U2SURP: variants seen among roughly 807,000 people sequenced by gnomAD.
U2SURP encodes the protein U2 snRNP-associated SURP motif-containing protein.
In U2SURP, 9 loss-of-function variants were observed where a neutral mutation model predicts 144.9. That is an observed-to-expected ratio of 0.06 (90% CI 0.04 to 0.11). The LOEUF is 0.11. U2SURP is among the 10% of genes least tolerant of loss of function. U2SURP has a pLI of 1.00. For synonymous variants in U2SURP, 408 were observed against 396.8 expected (o/e 1.03, Z -0.33); for missense variants, 724 against 1,226.7 (o/e 0.59, Z 6.12).
chr3:143,003,848 C>T (rs1027296758), intron 1 of U2SURP, among the ~76,000 whole-genome samples: 5 of 151,660 alleles, frequency 3.3e-5, no homozygotes, highest in South Asian at 2.1e-4. Flanking sequence ...CCCGCCAGTA[C>T]GCCCGGCTAA....
At chr3:143,006,884 A>G (rs546408752) in intron 1 of U2SURP, among the ~76,000 whole-genome samples, 110 of 152,328 alleles carry the variant, frequency 7.2e-4, no homozygotes, top group African/African-American at 2.6e-3. Flanking sequence ...TTAGAGGGTG[A>G]GAGGAGAAAC....
In U2SURP at chr3:143,038,915, A is replaced by AATT. The variant is rs1366189201; in HGVS notation, c.2343_2345dup (p.Leu781dup). The AATT allele has an allele frequency of 6.5e-7, 1 of 1,545,644 alleles. No individual in the cohort carries two copies. Among genetic ancestry groups the AATT allele is most frequent in the Admixed American group, 2.1e-5 (1 of 47,094 alleles). ...TCAGCTGTTACAACTTCTAAATGGG[A>AATT]ATTATTTGACCAGCATGAAGAATCA... On this transcript the variant is annotated inframe_insertion, in exon 23 of 28. Transcript: ENST00000473835.
At chr3:143,052,185 A>G (rs571504487) in intron 25 of U2SURP, among the ~76,000 whole-genome samples, 3 of 152,192 alleles carry the variant, frequency 2.0e-5, no homozygotes, top group Non-Finnish European at 4.4e-5. Flanking sequence ...ACCTGAGGTC[A>G]GGAGTTCAAG....
chr3:143,021,297 G>A, intron 8 of U2SURP, 53 bp from the exon 9 acceptor site: 1 of 1,543,714 alleles, frequency 6.5e-7, no homozygotes, highest in Non-Finnish European at 8.8e-7. Flanking sequence ...GAGGGTAAGG[G>A]GGGACTACTG....
Position 143,056,874 on chromosome 3 carries a change from T to A in U2SURP, c.*424T>A. 5.8e-6 allele frequency: 1 copy of A among 173,760 alleles called. No homozygotes were observed. The highest frequency in any genetic ancestry group is 1.3e-4 in the South Asian group (1 of 7,464). The allele number at this position is 173,760 out of a possible 1,614,324, so 10.8% of individuals were successfully genotyped here. On this transcript the variant is annotated 3_prime_UTR_variant, in exon 28 of 28. Coordinates refer to ENST00000473835, the MANE Select transcript of U2SURP (RefSeq NM_001080415.2). ...TTGTTTTTTTGCCCCACCGGTGATA[T>A]TAAGTCCCTTAAAGTCCTACTGAGT... is the stretch of plus-strand genomic sequence containing the variant.
At chr3:143,024,591 T>C in intron 13 of U2SURP, 1 of 407,400 alleles carries the variant, frequency 2.5e-6, no homozygotes, top group South Asian at 1.8e-5. Context: ...TTTTTTTCTC[T>C]TTCAACACAC....
chr3:143,003,282 A>C (rs1233730366), intron 1 of U2SURP, among the ~76,000 whole-genome samples: 1 of 152,204 alleles, frequency 6.6e-6, no homozygotes, highest in Non-Finnish European at 1.5e-5. Flanking sequence ...ATGTCTGTGA[A>C]AGGAATCAGA....
At chr3:143,010,908 C>T (rs780476561) in intron 2 of U2SURP, 49 bp downstream of exon 2, 20 of 1,411,344 alleles carry the variant, frequency 1.4e-5, no homozygotes, top group Admixed American at 3.5e-5. Context: ...AATTTAACTT[C>T]TCCTCATATG....
chr3:143,050,500 C>G (rs1934799669), intron 24 of U2SURP, among the ~76,000 whole-genome samples: 1 of 152,162 alleles, frequency 6.6e-6, no homozygotes, highest in African/African-American at 2.4e-5. Flanking sequence ...CTGTGTGCAG[C>G]TTTGTGTTTG....
rs1181193061 is a variant in U2SURP at position 143,037,137 on chromosome 3, A to G, written c.2065-42A>G. The G allele has an allele frequency of 4.4e-6, 7 of 1,580,096 alleles. No individual in the cohort carries two copies. In the South Asian group the frequency reaches 5.8e-5, roughly 13 times the overall value. On this transcript the variant is annotated intron_variant, in intron 20 of 27. Transcript: ENST00000473835. ...TTAATCTTACAAGCAATGTGACTTCAGCAAGCAAAGGAAAATGTTATAATA... is the reference window on the plus strand; with the variant it reads ...TTAATCTTACAAGCAATGTGACTTCGGCAAGCAAAGGAAAATGTTATAATA...
At chr3:143,014,130 C>T (rs1219980892) in intron 3 of U2SURP, among the ~76,000 whole-genome samples, 181 bp from the exon 4 acceptor site, 1 of 151,142 alleles carries the variant, frequency 6.6e-6, no homozygotes, top group Non-Finnish European at 1.5e-5. Flanking sequence ...TTGATGAATA[C>T]TTAACATCAG....
chr3:143,032,252 T>C (rs1039026265), intron 16 of U2SURP, among the ~76,000 whole-genome samples: 1 of 152,146 alleles, frequency 6.6e-6, no homozygotes, highest in African/African-American at 2.4e-5. Context: ...TTTATATTTT[T>C]AGTACAGACA....
chr3:143,023,222 A>G (rs1466517482), intron 12 of U2SURP, 158 bp downstream of exon 12: 1 of 594,460 alleles, frequency 1.7e-6, no homozygotes, highest in Non-Finnish European at 2.8e-6. Context: ...GCCCATGGAA[A>G]CCCTATATTT....
rs545996167 is a variant in U2SURP, at chr3:143,037,269, A to G, written c.2155A>G (p.Thr719Ala). 2.8e-5 allele frequency: 45 copies of G among 1,612,602 alleles called. No individual in the cohort carries two copies. The South Asian group carries it at 4.5e-4, about 16-fold the overall frequency. ...EDVDGIPIDA[T>A]PIDDLDGVPI... Reference sequence around the variant, plus strand: ...TGTAGATGGAATTCCTATTGATGCTACTCCCATCGATGATCTTGATGGAGT... The same window carrying G: ...TGTAGATGGAATTCCTATTGATGCTGCTCCCATCGATGATCTTGATGGAGT... The change falls in exon 21 of 28, where the codon ACT becomes GCT. Residue 719 changes from threonine to alanine, a missense_variant. Thr to Ala is a moderately conservative substitution (Grantham distance 58). Coordinates refer to ENST00000473835, the MANE Select transcript of U2SURP (RefSeq NM_001080415.2).
intron 4 of U2SURP, among the ~76,000 whole-genome samples, chr3:143,015,365 G>A (rs944899680): frequency 4.6e-5 from 7 of 151,844 alleles, no homozygotes; most frequent in Non-Finnish European, 1.0e-4. Context: ...TGCTGCTGGT[G>A]TTTTGCTCCA....
chr3:143,027,285 G>A, intron 14 of U2SURP, 32 bp downstream of exon 14: 1 of 1,545,026 alleles, frequency 6.5e-7, no homozygotes, highest in Non-Finnish European at 8.9e-7. Flanking sequence ...TGAAATATAT[G>A]TAACATAAAA....
Position 143,001,614 on chromosome 3 carries a change from G to C in U2SURP, c.-15G>C, listed in dbSNP as rs955589560. ...CCGTGCTGCTGCCGCCGCCGAAGGA[G>C]GGGCAAAGCTCAAGATGGCGGACAA... is the stretch of plus-strand genomic sequence containing the variant. On this transcript the variant is annotated 5_prime_UTR_variant, in exon 1 of 28. Coordinates refer to ENST00000473835, the MANE Select transcript of U2SURP (RefSeq NM_001080415.2). The C allele has an allele frequency of 5.0e-6, 8 of 1,613,746 alleles. No homozygotes were observed. Among genetic ancestry groups the C allele is most frequent in the Non-Finnish European group, 6.8e-6 (8 of 1,179,856 alleles).
intron 25 of U2SURP, among the ~76,000 whole-genome samples, chr3:143,052,177 C>T (rs1012477600): frequency 2.0e-5 from 3 of 152,140 alleles, no homozygotes; most frequent in South Asian, 2.1e-4. Context: ...GGCAAATCAC[C>T]TGAGGTCAGG....
intron 18 of U2SURP, chr3:143,034,685 G>C: frequency 4.2e-6 from 2 of 474,132 alleles, no homozygotes; most frequent in Middle Eastern, 5.6e-4. Context: ...CTGTTGGGGA[G>C]TTTGTAGGAG....
Sources: gnomAD v4.1 joint callset for allele counts (sites outside exome capture counted in the v4.1 genomes callset) on GRCh38, gnomAD v4.1.1 for gene constraint, MANE v1.5 for transcripts, NCBI Gene and HGNC (gene_info 2026-07-23, HGNC 2026-07-21) for gene names.